Variants in FBN1 observed in about 807,000 individuals in gnomAD.
The protein encoded by FBN1 is fibrillin 1, also known as fibrillin-1.
Under a neutral mutation model 365.1 loss-of-function variants are expected in FBN1, and 29 were observed. The observed-to-expected ratio is 0.08, with a 90% CI of 0.06 to 0.11. The LOEUF is 0.11. FBN1 is among the 10% of genes least tolerant of loss of function. FBN1 has a pLI of 1.00. For missense variants in FBN1, 2,476 were observed against 3,703.2 expected (o/e 0.67, Z 8.60); for synonymous variants, 1,210 against 1,270.5 (o/e 0.95, Z 1.01).
chr15:48,487,501 C>T (rs915542471), intron 27 of FBN1, 64 bp from the exon 28 acceptor site: 24 of 1,602,574 alleles, frequency 1.5e-5, no homozygotes, highest in Non-Finnish European at 2.0e-5. Flanking sequence ...ACCAAGCACT[C>T]CTCCCCCACC....
intron 5 of FBN1, among the ~76,000 whole-genome samples, chr15:48,596,584 A>G (rs761952065): frequency 7.2e-5 from 11 of 152,224 alleles, no homozygotes; most frequent in Non-Finnish European, 1.3e-4. Flanking sequence ...GTTTGTATCT[A>G]TGTTAATGCT....
chr15:48,468,116 A>G lies in FBN1; in HGVS notation c.4583-14T>C. 1 of 1,613,982 alleles carries G rather than the reference A, an allele frequency of 6.2e-7. No homozygotes were observed. The highest frequency in any genetic ancestry group is 8.5e-7 in the Non-Finnish European group (1 of 1,179,968). ...CAGAGCGGGTATCTATTTACCATAT[A>G]CAAACACAAAAGCATCAGGCAGAAT... On this transcript the variant is annotated splice_polypyrimidine_tract_variant and intron_variant, in intron 37 of 65. Transcript: ENST00000316623.
Position 48,437,906 on chromosome 15 carries a change from T to G in FBN1, c.6175A>C (p.Ser2059Arg). The G allele has an allele frequency of 1.2e-6, 2 of 1,613,776 alleles. No homozygotes were observed. The highest frequency in any genetic ancestry group is 1.7e-6 in the Non-Finnish European group (2 of 1,179,768). ...SGRRCQDLRM[S>R]YCYAKFEGGK... ...CCTTCAAACTTCGCATAACAGTAGC[T>G]CATTCGCAAATCTGCAGCATAAATT... The change falls in exon 51 of 66, where the codon AGC (serine) becomes CGC (arginine). Residue 2059 changes from serine (S) to arginine (R), a missense_variant. By Grantham distance (110) the Ser-to-Arg change is moderately radical (BLOSUM62 -1). Transcript: ENST00000316623.
intron 49 of FBN1, 63 bp from the exon 50 acceptor site, chr15:48,441,909 C>G: frequency 6.3e-7 from 1 of 1,580,632 alleles, no homozygotes; most frequent in Non-Finnish European, 8.7e-7. Context: ...AGGTACCAAA[C>G]ACACAATGTG....
At chr15:48,507,541 G>A (rs1555399909) in intron 15 of FBN1, among the ~76,000 whole-genome samples, 1 of 152,186 alleles carries the variant, frequency 6.6e-6, no homozygotes, top group Non-Finnish European at 1.5e-5. Flanking sequence ...CATAGAGAAT[G>A]TAGGTAAACA....
chr15:48,519,435 T>C (rs1377585057), intron 10 of FBN1, among the ~76,000 whole-genome samples: 1 of 152,182 alleles, frequency 6.6e-6, no homozygotes, highest in Non-Finnish European at 1.5e-5. Context: ...ACTACAATAA[T>C]GAATGAGATT....
intron 6 of FBN1, among the ~76,000 whole-genome samples, chr15:48,587,612 C>T (rs972133605): frequency 6.6e-6 from 1 of 152,168 alleles, no homozygotes; most frequent in African/African-American, 2.4e-5. Context: ...CTTCCCTTTA[C>T]CTGTAGTACT....
intron 4 of FBN1, among the ~76,000 whole-genome samples, chr15:48,609,200 C>T (rs1368621593): frequency 6.6e-6 from 1 of 152,166 alleles, no homozygotes; most frequent in East Asian, 1.9e-4. Context: ...GCTCTTGCTA[C>T]GTAGAATGAA....
Position 48,472,152 on chromosome 15 carries a change from T to C in FBN1, c.4336+399A>G, listed in dbSNP as rs16960979. ...TTAAAACCTGTGTTTCCATATTTAGTGATAATCCCACAACAGGACATTATC... is the reference window on the plus strand; with the variant it reads ...TTAAAACCTGTGTTTCCATATTTAGCGATAATCCCACAACAGGACATTATC... On this transcript the variant is annotated intron_variant, in intron 35 of 65. Transcript: ENST00000316623. 0.017 allele frequency among the ~76,000 whole-genome samples: 2,611 copies of C among 152,366 alleles called. 238 individuals carry two copies. The East Asian group carries it at 0.26, about 15-fold the overall frequency.
intron 10 of FBN1, among the ~76,000 whole-genome samples, chr15:48,519,941 T>C (rs982785219): frequency 6.6e-6 from 1 of 152,220 alleles, no homozygotes; most frequent in Non-Finnish European, 1.5e-5. Flanking sequence ...GAAAGTGTGC[T>C]GTATTTATGT....
chr15:48,452,154 T>C (rs1368869862), intron 45 of FBN1, among the ~76,000 whole-genome samples: 1 of 152,122 alleles, frequency 6.6e-6, no homozygotes, highest in Non-Finnish European at 1.5e-5. Context: ...GCAGCCAAGA[T>C]GGTGAAAACC....
intron 2 of FBN1, among the ~76,000 whole-genome samples, chr15:48,627,256 CA>C (rs1871463483): frequency 6.6e-6 from 1 of 152,100 alleles, no homozygotes; most frequent in African/African-American, 2.4e-5. Flanking sequence ...CAAAGGAAAA[CA>C]ATGTAAAGAG....
At chr15:48,568,535 AC>A (rs941104901) in intron 6 of FBN1, among the ~76,000 whole-genome samples, 1 of 152,102 alleles carries the variant, frequency 6.6e-6, no homozygotes, top group African/African-American at 2.4e-5. Flanking sequence ...AATGCAAAGG[AC>A]CCAGAGTAGC....
chr15:48,465,939 A>C, intron 38 of FBN1, 81 bp from the exon 39 acceptor site: 1 of 919,320 alleles, frequency 1.1e-6, no homozygotes, highest in Non-Finnish European at 1.8e-6. Context: ...ATACTCACAT[A>C]TCCAACTGAA....
At chr15:48,433,730 G>A (rs1401524139) in intron 54 of FBN1, among the ~76,000 whole-genome samples, 3 of 152,210 alleles carry the variant, frequency 2.0e-5, no homozygotes, top group African/African-American at 7.2e-5. Context: ...AAGAACACGA[G>A]TGAGAGCCCA....
chr15:48,537,771 G>A lies in FBN1; in HGVS notation c.576C>T (p.Asn192=), dbSNP rs1597593816. ...RTGPCFTVIS[N]QMCQGQLSGI... ...CGCTGAGTTGTCCCTGGCACATCTG[G>A]TTGCTGATCACAGTAAAACATGGGC... Residue 192 remains asparagine (N), a synonymous_variant, in exon 7 of 66, where the codon AAC becomes AAT. Coordinates refer to ENST00000316623, the MANE Select transcript of FBN1 (RefSeq NM_000138.5). 1 of 1,614,198 alleles carries A rather than the reference G, an allele frequency of 6.2e-7. No individual in the cohort carries two copies. The highest frequency in any genetic ancestry group is 2.2e-5 in the East Asian group (1 of 44,882).
intron 46 of FBN1, 105 bp downstream of exon 46, chr15:48,448,663 A>G: frequency 8.9e-7 from 1 of 1,128,790 alleles, no homozygotes; most frequent in Non-Finnish European, 1.3e-6. Context: ...TTTTGTATAT[A>G]GCAAAAATAC....
At chr15:48,609,237 C>T (rs1322899673) in intron 4 of FBN1, among the ~76,000 whole-genome samples, 1 of 152,182 alleles carries the variant, frequency 6.6e-6, no homozygotes, top group African/African-American at 2.4e-5. Flanking sequence ...AGATGCATGT[C>T]TGACACCAAG....
chr15:48,430,688 T>C lies in FBN1; in HGVS notation c.6854A>G (p.Asp2285Gly), dbSNP rs1160071679. The C allele has an allele frequency of 6.2e-7, 1 of 1,613,924 alleles. No individual in the cohort carries two copies. Among genetic ancestry groups the C allele is most frequent in the Non-Finnish European group, 8.5e-7 (1 of 1,179,870 alleles). ...CCTCTTACCTACACAGCCTTCTCCA[T>C]CAGGTCTCCGCTGATACCCGGGTCC... The part of the protein sequence containing the change: ...ICGPGYQRRP[D>G]GEGCVDENEC... The change falls in exon 56 of 66, where the codon GAT becomes GGT. Residue 2285 changes from aspartate (D) to glycine (G), a missense_variant. Transcript: ENST00000316623.
Sources: gnomAD v4.1 joint callset for allele counts (sites outside exome capture counted in the v4.1 genomes callset) on GRCh38, gnomAD v4.1.1 for gene constraint, MANE v1.5 for transcripts, NCBI Gene and HGNC (gene_info 2026-07-23, HGNC 2026-07-21) for gene names.